The following RALGPS2 variants were observed in gnomAD, a reference collection of about 807,000 sequenced individuals.
The protein encoded by RALGPS2 is ras-specific guanine nucleotide-releasing factor RalGPS2.
A neutral mutation model predicts 86.8 loss-of-function variants in RALGPS2; 43 were observed. The ratio of observed to expected loss-of-function variants is 0.50; its 90% CI spans 0.39 to 0.64. The LOEUF (loss-of-function observed/expected upper bound fraction) is 0.64. RALGPS2 is among the 30% of genes least tolerant of loss of function. RALGPS2 has a pLI of 0.00. For synonymous variants in RALGPS2, 243 were observed against 231.3 expected, an observed-to-expected ratio of 1.05 and a Z score of -0.46; for missense variants, 536 against 694.6, an observed-to-expected ratio of 0.77 and a Z score of 2.57.
Position 178,862,101 on chromosome 1 carries a change from G to T in RALGPS2, c.608-15397G>T, listed in dbSNP as rs893518981. The stretch of plus-strand genomic sequence containing the variant: ...TTGGCCAGGCTGGTCTCAAACTCCT[G>T]ACCTCAAGTGATCCGTCTGCCTCGG... On this transcript the variant is annotated intron_variant, in intron 8 of 19. Coordinates refer to ENST00000367635, the MANE Select transcript of RALGPS2 (RefSeq NM_152663.5). Among the ~76,000 whole-genome samples, 15 of 152,166 alleles carry T rather than the reference G, an allele frequency of 9.9e-5. 1 individual carries two copies. In the South Asian group the frequency reaches 1.0e-3, roughly 11 times the overall value.
At chr1:178,837,417 T>C (rs1289411722) in intron 8 of RALGPS2, among the ~76,000 whole-genome samples, 2 of 152,200 alleles carry the variant, frequency 1.3e-5, no homozygotes, top group Admixed American at 1.3e-4. Context: ...TGTAGTAGTA[T>C]TGACACTGCG....
intron 8 of RALGPS2, among the ~76,000 whole-genome samples, chr1:178,834,565 A>AT (rs1402298830): frequency 6.6e-6 from 1 of 152,118 alleles, no homozygotes; most frequent in African/African-American, 2.4e-5. Context: ...ATGGGGACCT[A>AT]TTGTGTACCT....
rs559575018 is a variant in RALGPS2 at position 178,793,383 on chromosome 1, G to A, written c.213+7776G>A. Among the ~76,000 whole-genome samples, 19 of 149,914 alleles carry A rather than the reference G, an allele frequency of 1.3e-4. No homozygotes were observed. In the East Asian group the frequency reaches 3.1e-3, roughly 25 times the overall value. On this transcript the variant is annotated intron_variant, in intron 4 of 19. Transcript: ENST00000367635. ...TAAGGCTTTAATAAATAAGAATTTC[G>A]ATCAAAACCACAGGGGTCTTTTTTT...
At chr1:178,727,402 A>C (rs913050450) in intron 1 of RALGPS2, among the ~76,000 whole-genome samples, 2 of 152,196 alleles carry the variant, frequency 1.3e-5, no homozygotes, top group Admixed American at 1.3e-4. Flanking sequence ...ACTTTTAGTA[A>C]TACTTTGGGG....
chr1:178,754,831 A>C (rs779329259), intron 1 of RALGPS2, among the ~76,000 whole-genome samples: 1 of 152,190 alleles, frequency 6.6e-6, no homozygotes, highest in African/African-American at 2.4e-5. Context: ...ACGAAGTCTC[A>C]CTCTGTTGCC....
intron 4 of RALGPS2, among the ~76,000 whole-genome samples, chr1:178,788,032 A>G (rs1158087946): frequency 6.6e-6 from 1 of 152,034 alleles, no homozygotes; most frequent in Admixed American, 6.6e-5. Context: ...ACCTTTTTCT[A>G]CCTTCTGCAA....
chr1:178,885,479 A>T, intron 12 of RALGPS2: 1 of 332,776 alleles, frequency 3.0e-6, no homozygotes, highest in Non-Finnish European at 5.4e-6. Flanking sequence ...TAAAATCAGG[A>T]TAGCAATATA....
intron 2 of RALGPS2, among the ~76,000 whole-genome samples, chr1:178,779,434 A>G (rs1445363091): frequency 6.6e-6 from 1 of 152,178 alleles, no homozygotes; most frequent in African/African-American, 2.4e-5. Flanking sequence ...TAATAGCCCC[A>G]ACTCCATTTT....
chr1:178,817,202 A>G (rs1390104854), intron 6 of RALGPS2, among the ~76,000 whole-genome samples: 1 of 151,836 alleles, frequency 6.6e-6, no homozygotes, highest in Non-Finnish European at 1.5e-5. Flanking sequence ...AAAAATAACT[A>G]GGTGTGTTGG....
chr1:178,746,159 C>A (rs1295156308), intron 1 of RALGPS2, among the ~76,000 whole-genome samples: 1 of 152,004 alleles, frequency 6.6e-6, no homozygotes, highest in African/African-American at 2.4e-5. Context: ...AGACCGGCTG[C>A]AGGATGGCAG....
At chr1:178,763,316 T>G (rs1400715833) in intron 1 of RALGPS2, among the ~76,000 whole-genome samples, 1 of 152,236 alleles carries the variant, frequency 6.6e-6, no homozygotes, top group Non-Finnish European at 1.5e-5. Context: ...AGGCTTGCAT[T>G]CACTATTTGG....
chr1:178,844,648 T>G (rs1273228906), intron 8 of RALGPS2, among the ~76,000 whole-genome samples: 1 of 152,198 alleles, frequency 6.6e-6, no homozygotes, highest in Admixed American at 6.5e-5. Context: ...AAGAGAATTA[T>G]TGCTTTTAAA....
chr1:178,742,497 T>C (rs1468012767), intron 1 of RALGPS2, among the ~76,000 whole-genome samples: 1 of 152,192 alleles, frequency 6.6e-6, no homozygotes, highest in East Asian at 1.9e-4. Flanking sequence ...AATTGTCATA[T>C]CCACAATTTG....
chr1:178,837,457 C>T (rs1656335143), intron 8 of RALGPS2, among the ~76,000 whole-genome samples: 1 of 152,164 alleles, frequency 6.6e-6, no homozygotes, highest in Admixed American at 6.5e-5. Flanking sequence ...TGTTTTAATG[C>T]ATTTCTGTTT....
At chr1:178,846,193 T>G (rs185598196) in intron 8 of RALGPS2, among the ~76,000 whole-genome samples, 57 of 152,308 alleles carry the variant, frequency 3.7e-4, no homozygotes, top group African/African-American at 1.2e-3. Flanking sequence ...TTCCTCTCGT[T>G]TGATAGAATT....
At chr1:178,896,010 G>A (rs1468252742) in intron 16 of RALGPS2, among the ~76,000 whole-genome samples, 1 of 151,932 alleles carries the variant, frequency 6.6e-6, no homozygotes, top group African/African-American at 2.4e-5. Context: ...TTGGAGATGG[G>A]GCTCTGTAGC....
At chr1:178,786,945 C>T (rs1362645280) in intron 4 of RALGPS2, among the ~76,000 whole-genome samples, 2 of 151,620 alleles carry the variant, frequency 1.3e-5, no homozygotes, top group Non-Finnish European at 2.9e-5. Flanking sequence ...AGGGGTGGGC[C>T]GAAATGATCG....
chr1:178,769,789 C>T (rs1652694967), intron 1 of RALGPS2, among the ~76,000 whole-genome samples: 1 of 152,138 alleles, frequency 6.6e-6, no homozygotes, highest in African/African-American at 2.4e-5. Flanking sequence ...TTCCAACACC[C>T]CAGTTAGCTT....
At position 178,860,956 on chromosome 1, in the gene RALGPS2, G is replaced by A. The variant is rs112569685; in HGVS notation, c.608-16542G>A. On this transcript the variant is annotated intron_variant, in intron 8 of 19. Transcript: ENST00000367635. The stretch of plus-strand genomic sequence containing the variant: ...GTGAATAATTGAGCACATTGTGTAA[G>A]GAAAATAGCCAGCCTATTTGTTGTT... Among the ~76,000 whole-genome samples the A allele has an allele frequency of 1.3e-3, 199 of 152,260 alleles. 2 individuals are homozygous for A. Among genetic ancestry groups the A allele is most frequent in the African/African-American group, 4.3e-3 (178 of 41,550 alleles).
Sources: gnomAD v4.1 joint callset for allele counts (sites outside exome capture counted in the v4.1 genomes callset) on GRCh38, gnomAD v4.1.1 for gene constraint, MANE v1.5 for transcripts, NCBI Gene and HGNC (gene_info 2026-07-23, HGNC 2026-07-21) for gene names.